The following SYNE2 variants were observed in gnomAD, a reference collection of about 807,000 sequenced individuals.
The protein encoded by SYNE2 is spectrin repeat containing nuclear envelope protein 2.
SYNE2 carries 431 observed loss-of-function variants against 856.3 expected under a neutral mutation model. The observed-to-expected ratio is 0.50, with a 90% CI of 0.47 to 0.55. The LOEUF is 0.55. SYNE2 is among the 20% of genes least tolerant of loss of function. The probability of loss-of-function intolerance (pLI) is 0.00; values close to 1 mark genes in which losing one functional copy is unlikely to be tolerated. For missense variants in SYNE2, 8,129 were observed against 8,023.2 expected (o/e 1.01, Z -0.50); for synonymous variants, 2,923 against 2,872.3 (o/e 1.02, Z -0.56).
chr14:64,166,519 G>T (rs566760800), intron 90 of SYNE2, among the ~76,000 whole-genome samples: 3 of 152,294 alleles, frequency 2.0e-5, no homozygotes, highest in African/African-American at 7.2e-5. Context: ...AAATATGGGT[G>T]TTTAAGTCCC....
Position 64,027,583 on chromosome 14 carries a change from C to T in SYNE2, c.6504C>T (p.Gly2168=), listed in dbSNP as rs1316615898. 1.5e-5 allele frequency: 24 copies of T among 1,613,736 alleles called. No individual in the cohort carries two copies. Among genetic ancestry groups the T allele is most frequent in the East Asian group, 4.5e-5 (2 of 44,876 alleles). The change falls in exon 43 of 116, where the codon GGC becomes GGT. Residue 2168 remains glycine, a synonymous_variant. Coordinates refer to ENST00000555002, the MANE Select transcript of SYNE2 (RefSeq NM_182914.3). ...AACTAAAGAAGAAACAGGAAGCAGG[C>T]TTTGCTCTACAACATGGTCTGCAGG... The part of the protein sequence containing the change: ...LIELKKKQEA[G]FALQHGLQEK...
At chr14:63,913,773 T>G (rs541946607) in intron 2 of SYNE2, among the ~76,000 whole-genome samples, 223 of 146,864 alleles carry the variant, frequency 1.5e-3, no homozygotes, top group African/African-American at 5.3e-3. Context: ...GCAGTCCATA[T>G]TTTAAATGAT....
intron 2 of SYNE2, among the ~76,000 whole-genome samples, chr14:63,920,683 G>A (rs1389720607): frequency 1.3e-5 from 2 of 151,758 alleles, no homozygotes; most frequent in African/African-American, 2.4e-5. Flanking sequence ...TGGTCCACCC[G>A]AGAAAGAATG....
chr14:63,840,683 G>A (rs536071169), intron 1 of SYNE2, among the ~76,000 whole-genome samples: 4 of 152,150 alleles, frequency 2.6e-5, no homozygotes, highest in Admixed American at 2.0e-4. Flanking sequence ...ACATGAACAA[G>A]ATATATCCCT....
At position 64,162,485 on chromosome 14, in the gene SYNE2, G is replaced by C. The variant is rs545760652; in HGVS notation, c.16299+209G>C. 9.2e-4 allele frequency: 580 copies of C among 627,642 alleles called. 10 individuals carry two copies. The South Asian group carries it at 9.8e-3, about 11-fold the overall frequency. 38.9% of individuals were successfully genotyped at this position (627,642 alleles called of 1,614,324 possible). A position where few individuals can be genotyped will look rare whatever the true frequency, so the allele number is the denominator to read the frequency against. ...TAGGCAGCAAATAGCTGGATCAGGG[G>C]GACTCGATATCACCTCGTTCCAAGT... On this transcript the variant is annotated intron_variant, in intron 88 of 115. Coordinates refer to ENST00000555002, the MANE Select transcript of SYNE2 (RefSeq NM_182914.3).
In SYNE2 at chr14:64,052,910, G is replaced by C. The variant is rs773684701; in HGVS notation, c.8997G>C (p.Leu2999Phe). ...TTAAGTGTTGCATCTTACAGGTATT[G>C]AAACTTAAAAAAGTGTTTGACTATA... ...TAIKCCILQVLKLKKVFDYIG... is the reference protein window; with the variant it reads ...TAIKCCILQVFKLKKVFDYIG... The change falls in exon 48 of 116, where the codon TTG becomes TTC. Residue 2999 changes from leucine (L) to phenylalanine (F), a missense_variant. This residue lies in a region of SYNE2 where 5,410 missense variants were observed against 5,284.8 expected (regional missense o/e 1.02). Transcript: ENST00000555002. The C allele has an allele frequency of 4.3e-6, 7 of 1,612,648 alleles. No individual in the cohort carries two copies. The highest frequency in any genetic ancestry group is 5.9e-6 in the Non-Finnish European group (7 of 1,179,680).
chr14:64,033,341 A>G (rs1472504317), intron 45 of SYNE2, among the ~76,000 whole-genome samples: 2 of 152,144 alleles, frequency 1.3e-5, no homozygotes, highest in Non-Finnish European at 2.9e-5. Context: ...CCAAAACTCA[A>G]TAGAGTATGT....
intron 1 of SYNE2, among the ~76,000 whole-genome samples, chr14:63,792,701 C>G (rs1235570717): frequency 6.6e-6 from 1 of 151,534 alleles, no homozygotes; most frequent in African/African-American, 2.4e-5. Flanking sequence ...GGGTCTTGCT[C>G]TCTCGCCAAG....
chr14:64,189,982 A>G, intron 98 of SYNE2, 89 bp from the exon 99 acceptor site: 4 of 1,162,782 alleles, frequency 3.4e-6, no homozygotes, highest in African/African-American at 2.3e-5. Flanking sequence ...TTTTTTTTTT[A>G]ATTTCAAGAG....
At chr14:64,134,821 C>CAA (rs775008007) in intron 78 of SYNE2, among the ~76,000 whole-genome samples, 2 of 120,736 alleles carry the variant, frequency 1.7e-5, no homozygotes, top group East Asian at 2.3e-4. Flanking sequence ...TACTAAAATA[C>CAA]AAAAAAAAAA....
At chr14:63,791,360 A>T (rs1887723962) in intron 1 of SYNE2, among the ~76,000 whole-genome samples, 1 of 152,230 alleles carries the variant, frequency 6.6e-6, no homozygotes, top group South Asian at 2.1e-4. Flanking sequence ...ACATTTCCTT[A>T]TAATTTAAAA....
intron 2 of SYNE2, among the ~76,000 whole-genome samples, chr14:63,920,139 C>T (rs988825741): frequency 2.6e-5 from 4 of 151,844 alleles, no homozygotes; most frequent in East Asian, 1.9e-4. Context: ...GCTGAGCACA[C>T]GGGTTAGTAC....
At chr14:64,139,016 CTG>C (rs2098120169) in intron 79 of SYNE2, among the ~76,000 whole-genome samples, 1 of 151,182 alleles carries the variant, frequency 6.6e-6, no homozygotes. Context: ...CAGGGTCTCA[CTG>C]TGTCACCCAG....
intron 57 of SYNE2, among the ~76,000 whole-genome samples, chr14:64,082,819 A>G (rs1204788806): frequency 1.3e-5 from 2 of 152,208 alleles, no homozygotes; most frequent in Admixed American, 6.5e-5. Flanking sequence ...CTAACACACC[A>G]TGATTCCAAA....
At chr14:63,890,053 C>CTTTTTTTTTT (rs71123813) in intron 1 of SYNE2, among the ~76,000 whole-genome samples, 1 of 95,056 alleles carries the variant, frequency 1.1e-5, no homozygotes, top group Non-Finnish European at 2.0e-5. Flanking sequence ...TTCTTTCTTT[C>CTTTTTTTTTT]TTTTTTTTTT....
At position 63,982,637 on chromosome 14, in the gene SYNE2, T is replaced by C. The variant is rs369877790; in HGVS notation, c.1844T>C (p.Phe615Ser). 134 of 1,613,974 alleles carry C rather than the reference T, an allele frequency of 8.3e-5. No individual in the cohort carries two copies. The highest frequency in any genetic ancestry group is 1.1e-4 in the Non-Finnish European group (129 of 1,179,990). The part of the protein sequence containing the change: ...TKKEEIKEVP[F>S]ETLAQWNLEH... ...TGCTTGTGTATCATGTAGGTACCCT[T>C]TGAGACACTAGCCCAGTGGAATCTA... Residue 615 changes from phenylalanine (F) to serine (S), a missense_variant, in exon 17 of 116, where the codon TTT becomes TCT. By Grantham distance (155) the Phe-to-Ser change is radical (BLOSUM62 -2). Around this residue, in one of 3 missense-constraint regions of SYNE2, gnomAD observed 2,422 missense variants for 2,357.4 expected, o/e 1.03. Transcript: ENST00000555002.
intron 1 of SYNE2, among the ~76,000 whole-genome samples, chr14:63,902,703 T>C (rs796841625): frequency 7.9e-5 from 12 of 151,942 alleles, no homozygotes; most frequent in African/African-American, 2.9e-4. Flanking sequence ...TTTTTTTCTT[T>C]TTTTTTTGGA....
intron 1 of SYNE2, among the ~76,000 whole-genome samples, chr14:63,793,548 A>ACT (rs34901752): frequency 0.63 from 96,037 of 151,830 alleles, 30,828 homozygotes; most frequent in South Asian, 0.77. Context: ...TGAAATGTCA[A>ACT]CTCTCAACTT....
rs1396015982 is a variant in SYNE2 at position 63,991,100 on chromosome 14, C to A, written c.2631C>A (p.Leu877=). 1 of 1,614,022 alleles carries A rather than the reference C, an allele frequency of 6.2e-7. No individual in the cohort carries two copies. The highest frequency in any genetic ancestry group is 8.5e-7 in the Non-Finnish European group (1 of 1,179,954). Reference sequence around the variant, plus strand: ...GGCAAAGAGAGAGCCCCGGTGAACTCATTTCAAAACACAAGGTGGGAATCT... The same window carrying A: ...GGCAAAGAGAGAGCCCCGGTGAACTAATTTCAAAACACAAGGTGGGAATCT... ...LLGQRESPGE[L]ISKHKEALII... is the part of the protein sequence containing the mutation. The change falls in exon 21 of 116, where the codon CTC becomes CTA. Residue 877 remains leucine, a synonymous_variant. Coordinates refer to ENST00000555002, the MANE Select transcript of SYNE2 (RefSeq NM_182914.3).
Sources: gnomAD v4.1 joint callset for allele counts (sites outside exome capture counted in the v4.1 genomes callset) on GRCh38, gnomAD v4.1.1 for gene constraint, gnomAD v4.1.1 regional missense constraint, MANE v1.5 for transcripts, NCBI Gene and HGNC (gene_info 2026-07-23, HGNC 2026-07-21) for gene names.